The following NAV1 variants were observed in gnomAD, a reference collection of about 807,000 sequenced individuals.
The protein encoded by NAV1 is neuron navigator 1, also known as pore membrane and/or filament interacting like protein 3.
NAV1 carries 18 observed loss-of-function variants against 175.2 expected under a neutral mutation model. The ratio of observed to expected loss-of-function variants is 0.10; its 90% confidence interval spans 0.07 to 0.15. NAV1 has a LOEUF of 0.15. Ranked by LOEUF, NAV1 falls within the 10% of genes least tolerant of loss-of-function variation. The pLI is 1.00. For missense variants in NAV1, 1,731 were observed against 2,436.6 expected (o/e 0.71, Z 6.10); for synonymous variants, 897 against 978.7 (o/e 0.92, Z 1.56).
At chr1:201,687,114 A>G (rs1670714568) in intron 1 of NAV1, among the ~76,000 whole-genome samples, 1 of 152,260 alleles carries the variant, frequency 6.6e-6, no homozygotes, top group Non-Finnish European at 1.5e-5. Context: ...GCCAATATAT[A>G]CAGTATTATA....
rs1172103359 is a variant in NAV1, at chr1:201,808,232, T to C, written c.3845+83T>C. On this transcript the variant is annotated intron_variant, in intron 18 of 29. Transcript: ENST00000367296. The surrounding 1 kb of genome is among the most constrained non-coding windows in gnomAD (Gnocchi z 5.5). ...GAGTTGACAGGAGGCCATTAGACCT[T>C]AGACAAGCAGTACTTATTACTGACC... 1.3e-6 allele frequency: 2 copies of C among 1,513,984 alleles called. No homozygotes were observed. The highest frequency in any genetic ancestry group is 2.3e-5 in the East Asian group (1 of 44,136). 93.8% of individuals were successfully genotyped at this position (1,513,984 alleles called of 1,614,324 possible).
chr1:201,817,100 A>C, exon 29 of NAV1: 2 of 1,614,128 alleles, frequency 1.2e-6, no homozygotes, highest in East Asian at 4.5e-5. Flanking sequence ...CCATGGACAG[A>C]AAGCTGCTTG....
At chr1:201,570,284 C>T (rs1666493700) in intron 1 of NAV1, among the ~76,000 whole-genome samples, 1 of 152,218 alleles carries the variant, frequency 6.6e-6, no homozygotes, top group Non-Finnish European at 1.5e-5. Context: ...AAGCAACTGC[C>T]AGGGTCAGGC....
chr1:201,606,481 A>G (rs1076611), intron 2 of NAV1, among the ~76,000 whole-genome samples: 10,739 of 152,246 alleles, frequency 0.071, 422 homozygotes, highest in African/African-American at 0.1. Flanking sequence ...TCATCTTGTC[A>G]TCCTGTCCAT....
At chr1:201,825,021 G>A (rs867574102) in exon 30 of NAV1, 1 of 152,166 alleles carries the variant, frequency 6.6e-6, no homozygotes. Flanking sequence ...GAAGGTTCTA[G>A]GTTGTCATTC....
At chr1:201,639,583 A>G (rs1244150245) in intron 2 of NAV1, among the ~76,000 whole-genome samples, 1 of 152,178 alleles carries the variant, frequency 6.6e-6, no homozygotes, top group Non-Finnish European at 1.5e-5. Context: ...GCCCTGAGTC[A>G]GACCTCCCTA....
At chr1:201,619,738 G>C (rs1455527379), upstream of NAV1, among the ~76,000 whole-genome samples, 1 of 152,232 alleles carries the variant, frequency 6.6e-6, no homozygotes, top group Non-Finnish European at 1.5e-5. Flanking sequence ...TGGTGGGTGG[G>C]CAGGGAATGG....
At chr1:201,652,883 A>G (rs898297045) in intron 1 of NAV1, among the ~76,000 whole-genome samples, 7 of 152,234 alleles carry the variant, frequency 4.6e-5, no homozygotes, top group African/African-American at 1.7e-4. Flanking sequence ...AATGCATTGA[A>G]TACACCTCAC....
intron 3 of NAV1, among the ~76,000 whole-genome samples, chr1:201,730,318 T>C (rs143928903): frequency 2.1e-3 from 320 of 152,360 alleles, no homozygotes; most frequent in African/African-American, 7.4e-3. Context: ...TCAGATTAAC[T>C]GGCTTGGGAG....
chr1:201,596,475 C>T (rs1268371799), intron 2 of NAV1, among the ~76,000 whole-genome samples: 1 of 152,222 alleles, frequency 6.6e-6, no homozygotes, highest in Admixed American at 6.5e-5. Context: ...GAAAGAACCA[C>T]AGCAGCTCAT....
At chr1:201,645,722 G>A (rs1180975704), upstream of NAV1, among the ~76,000 whole-genome samples, 2 of 75,522 alleles carry the variant, frequency 2.6e-5, no homozygotes, top group Admixed American at 1.5e-4. Context: ...CAGCCAGGAT[G>A]GTAGCCAGTG....
intron 28 of NAV1, among the ~76,000 whole-genome samples, chr1:201,815,092 G>A (rs1176534619): frequency 1.3e-5 from 2 of 151,692 alleles, no homozygotes; most frequent in East Asian, 1.9e-4. Flanking sequence ...TGACTAAAGC[G>A]GAAACATTTC....
chr1:201,808,661 T>G lies in NAV1; in HGVS notation c.4039-42T>G. ...GGAAAGGGAAGACCAAGGCTTGCTG[T>G]CTGTCCAGTCTGCCACCCTACCCTG... On this transcript the variant is annotated intron_variant, in intron 19 of 29. Coordinates refer to ENST00000367296, the Ensembl canonical transcript of NAV1. The surrounding 1 kb of genome is among the most constrained non-coding windows in gnomAD (Gnocchi z 5.5). The G allele has an allele frequency of 6.2e-7, 1 of 1,614,214 alleles. No individual in the cohort carries two copies. The highest frequency in any genetic ancestry group is 8.5e-7 in the Non-Finnish European group (1 of 1,180,032).
chr1:201,737,308 T>C (rs1275006256), intron 3 of NAV1: 1 of 152,212 alleles, frequency 6.6e-6, no homozygotes, highest in Non-Finnish European at 1.5e-5. Context: ...TAGACACTAC[T>C]GTGGGACTTA....
chr1:201,601,130 C>T (rs753637549), intron 2 of NAV1, among the ~76,000 whole-genome samples: 6 of 152,204 alleles, frequency 3.9e-5, no homozygotes, highest in Non-Finnish European at 8.8e-5. Flanking sequence ...CATAATTTAC[C>T]TCAGCTCTAA....
At chr1:201,711,673 C>T (rs1671913572) in intron 1 of NAV1, among the ~76,000 whole-genome samples, 1 of 152,168 alleles carries the variant, frequency 6.6e-6, no homozygotes, top group African/African-American at 2.4e-5. Flanking sequence ...TCTGTCACTC[C>T]CTGACTCTCT....
chr1:201,699,560 T>A (rs1571892281), intron 1 of NAV1, among the ~76,000 whole-genome samples: 1 of 152,306 alleles, frequency 6.6e-6, no homozygotes, highest in Middle Eastern at 3.4e-3. Context: ...AAGCTACCAA[T>A]GACTTTCTTC....
In NAV1 at chr1:201,808,996, C is replaced by A; in HGVS notation, c.4207+125C>A. ...CCGAAGCCAAGCAGATGCCAGTGTC[C>A]TAAGACACTGAGTTGTAATGGTCCT... On this transcript the variant is annotated intron_variant, in intron 20 of 29. Coordinates refer to ENST00000367296, the Ensembl canonical transcript of NAV1. The surrounding 1 kb of genome is among the most constrained non-coding windows in gnomAD (Gnocchi z 5.5). The A allele has an allele frequency of 7.6e-7, 1 of 1,312,286 alleles. No homozygotes were observed. Among genetic ancestry groups the A allele is most frequent in the South Asian group, 1.3e-5 (1 of 74,470 alleles). The allele number at this position is 1,312,286 out of a possible 1,614,324, so 81.3% of individuals were successfully genotyped here.
Position 201,808,325 on chromosome 1 carries a change from G to A in NAV1, c.3846-93G>A. ...ATGCTGATTGAATATCAATGGGCAG[G>A]AGAAGCCAAGACCACCAACCATGCC... is the stretch of plus-strand genomic sequence containing the variant. On this transcript the variant is annotated intron_variant, in intron 18 of 29. Coordinates refer to ENST00000367296, the Ensembl canonical transcript of NAV1. The surrounding 1 kb of genome is among the most constrained non-coding windows in gnomAD (Gnocchi z 5.5). 6.9e-7 allele frequency: 1 copy of A among 1,457,136 alleles called. No individual in the cohort carries two copies. The highest frequency in any genetic ancestry group is 9.3e-7 in the Non-Finnish European group (1 of 1,078,828). 90.3% of individuals were successfully genotyped at this position (1,457,136 alleles called of 1,614,324 possible).
Sources: gnomAD v4.1 joint callset for allele counts (sites outside exome capture counted in the v4.1 genomes callset) on GRCh38, gnomAD v4.1.1 for gene constraint, Gnocchi (gnomAD v3.1) non-coding constraint, MANE v1.5 for transcripts, NCBI Gene and HGNC (gene_info 2026-07-23, HGNC 2026-07-21) for gene names.